The following HMCN2 variants were observed in gnomAD, a reference collection of about 807,000 sequenced individuals.
HMCN2 encodes the protein hemicentin-2.
Under a neutral mutation model 377.5 loss-of-function variants are expected in HMCN2, and 325 were observed. That is an observed-to-expected ratio of 0.86 (90% CI 0.79 to 0.94). The LOEUF is 0.94. Ranked by LOEUF, HMCN2 falls within the 40% of genes least tolerant of loss-of-function variation. HMCN2 has a pLI of 0.00. For missense variants in HMCN2, 4,543 were observed against 4,725.3 expected, an observed-to-expected ratio of 0.96 and a Z score of 1.13; for synonymous variants, 2,007 against 2,046.8, an observed-to-expected ratio of 0.98 and a Z score of 0.53.
intron 37 of HMCN2, among the ~76,000 whole-genome samples, chr9:130,359,947 G>A (rs1196317694): frequency 6.6e-6 from 1 of 152,176 alleles, no homozygotes; most frequent in African/African-American, 2.4e-5. Context: ...CCGGCAGGAT[G>A]CAGGGAAGCT....
intron 22 of HMCN2, among the ~76,000 whole-genome samples, chr9:130,334,816 CCTCT>C (rs1222248900): frequency 5.7e-4 from 81 of 141,620 alleles, no homozygotes; most frequent in African/African-American, 9.4e-4. Context: ...CTCTCTCTCT[CCTCT>C]CTCTCTCTCT....
At chr9:130,321,665 C>T (rs1311012270) in intron 18 of HMCN2, 122 bp from the exon 19 acceptor site, 1 of 152,252 alleles carries the variant, frequency 6.6e-6, no homozygotes, top group East Asian at 1.9e-4. Context: ...TCTGAGCCCC[C>T]GGGCTCTCAG....
At chr9:130,410,376 C>A (rs1843344982) in intron 84 of HMCN2, among the ~76,000 whole-genome samples, 195 bp from the exon 85 acceptor site, 1 of 152,212 alleles carries the variant, frequency 6.6e-6, no homozygotes, top group Admixed American at 6.5e-5. Flanking sequence ...TGAAAAGGGG[C>A]TGGATTCTCT....
intron 22 of HMCN2, among the ~76,000 whole-genome samples, chr9:130,334,706 T>TCTCTCTCTCTC (rs879119771): frequency 3.4e-5 from 5 of 147,174 alleles, no homozygotes; most frequent in Admixed American, 6.9e-5. Context: ...TCTTTCTTTC[T>TCTCTCTCTCTC]TTCTCTCTCT....
intron 22 of HMCN2, among the ~76,000 whole-genome samples, chr9:130,336,668 C>A (rs1838764091): frequency 6.6e-6 from 1 of 152,172 alleles, no homozygotes; most frequent in Non-Finnish European, 1.5e-5. Flanking sequence ...CAAGAGGCTG[C>A]TGGATGCTCG....
chr9:130,275,822 C>T (rs1156631831), intron 1 of HMCN2, among the ~76,000 whole-genome samples: 1 of 151,092 alleles, frequency 6.6e-6, no homozygotes, highest in Non-Finnish European at 1.5e-5. Context: ...GGAAAATTCA[C>T]TCTCTTAACC....
rs1423778188 is a variant in HMCN2 at position 130,303,948 on chromosome 9, G to C, written c.1543+340G>C. ...CTTCGTGCCTCCAAGTCCCGGCCAG[G>C]ATGGCGCCATCGAGCTGGGGAGGTT... On this transcript the variant is annotated intron_variant, in intron 10 of 97. Coordinates refer to ENST00000683500, the MANE Select transcript of HMCN2 (RefSeq NM_001291815.2). This position sits in a 1 kb window ranked among gnomAD's most constrained non-coding sequence, Gnocchi z 5.2. Among the ~76,000 whole-genome samples, 1 of 152,222 alleles carries C rather than the reference G, an allele frequency of 6.6e-6. No homozygotes were observed. Among genetic ancestry groups the C allele is most frequent in the African/African-American group, 2.4e-5 (1 of 41,460 alleles).
At chr9:130,398,482 C>T in intron 74 of HMCN2, 69 bp from the exon 75 acceptor site, 1 of 890,074 alleles carries the variant, frequency 1.1e-6, no homozygotes, top group Non-Finnish European at 1.4e-6. Context: ...TGCCCCTGGG[C>T]ACAGCCTCAG....
intron 4 of HMCN2, among the ~76,000 whole-genome samples, chr9:130,291,398 T>A (rs1326896392): frequency 7.2e-5 from 11 of 152,184 alleles, no homozygotes; most frequent in Non-Finnish European, 7.3e-5. Flanking sequence ...TTAGTAGAGA[T>A]GGAGTTTCAC....
At chr9:130,358,026 G>A (rs539047209) in intron 35 of HMCN2, 38 bp downstream of exon 35, 653 of 1,290,450 alleles carry the variant, frequency 5.1e-4, no homozygotes, top group Admixed American at 7.3e-4. Context: ...AGCCAGCTGG[G>A]CACAGGTGGA....
rs1400535525 is a variant in HMCN2 at position 130,346,956 on chromosome 9, T to C, written c.3830-210T>C. On this transcript the variant is annotated intron_variant, in intron 25 of 97. Transcript: ENST00000683500. Reference sequence around the variant, plus strand: ...GTCCCTCAGGGACCCTAGGAGGCTGTATGGATGGGCAGTGTGGGTAGGTGG... The same window carrying C: ...GTCCCTCAGGGACCCTAGGAGGCTGCATGGATGGGCAGTGTGGGTAGGTGG... 2.6e-5 allele frequency among the ~76,000 whole-genome samples: 4 copies of C among 151,860 alleles called. No homozygotes were observed. In the East Asian group the frequency reaches 7.8e-4, roughly 30 times the overall value.
At chr9:130,400,746 C>T in intron 76 of HMCN2, 37 bp from the exon 77 acceptor site, 2 of 1,258,470 alleles carry the variant, frequency 1.6e-6, no homozygotes, top group Non-Finnish European at 2.1e-6. Context: ...TGCCCTGTGC[C>T]CGCCGGCAGG....
intron 22 of HMCN2, among the ~76,000 whole-genome samples, chr9:130,331,876 G>A (rs1838449512): frequency 1.3e-5 from 2 of 152,174 alleles, no homozygotes; most frequent in South Asian, 4.1e-4. Flanking sequence ...CGCGGTGTGG[G>A]GGCAGTGAGA....
chr9:130,379,509 T>G, intron 54 of HMCN2, 42 bp downstream of exon 54: 3 of 889,766 alleles, frequency 3.4e-6, no homozygotes, highest in Non-Finnish European at 4.0e-6. Flanking sequence ...CTTTGAGCTC[T>G]CCTGTGTGCT....
rs113863166 is a variant in HMCN2, at chr9:130,360,713, C to T, written c.5950+109C>T. ...TCCACTCATCCATCCATCTACCACCCCATCCATCCGTTACCCCATCCATCC... is the reference window on the plus strand; with the variant it reads ...TCCACTCATCCATCCATCTACCACCTCATCCATCCGTTACCCCATCCATCC... On this transcript the variant is annotated intron_variant, in intron 38 of 97. Coordinates refer to ENST00000683500, the MANE Select transcript of HMCN2 (RefSeq NM_001291815.2). This position sits in a 1 kb window ranked among gnomAD's most constrained non-coding sequence, Gnocchi z 4.7. 4,061 of 524,744 alleles carry T rather than the reference C, an allele frequency of 7.7e-3. 160 individuals are homozygous for T. The highest frequency in any genetic ancestry group is 0.077 in the African/African-American group (3,761 of 49,078). The allele number at this position is 524,744 out of a possible 1,614,324, so 32.5% of individuals were successfully genotyped here.
intron 31 of HMCN2, among the ~76,000 whole-genome samples, chr9:130,353,852 G>T (rs1312373203): frequency 3.3e-5 from 5 of 152,168 alleles, no homozygotes; most frequent in Non-Finnish European, 5.9e-5. Flanking sequence ...TCTGAGCAGG[G>T]CCCCGGTGAA....
rs539944562 is a variant in HMCN2, at chr9:130,369,149, C to T, written c.6788-421C>T. 5.3e-5 allele frequency among the ~76,000 whole-genome samples: 8 copies of T among 152,284 alleles called. No homozygotes were observed. In the South Asian group the frequency reaches 1.7e-3, roughly 32 times the overall value. On this transcript the variant is annotated intron_variant, in intron 44 of 97. Coordinates refer to ENST00000683500, the MANE Select transcript of HMCN2 (RefSeq NM_001291815.2). This position sits in a 1 kb window ranked among gnomAD's most constrained non-coding sequence, Gnocchi z 4.5. ...AAACCTAAAGCCCTATCTACTGGTC[C>T]TGCAGTGATGAAATGAAATCCCCCA...
chr9:130,331,487 T>G (rs1416951306), intron 22 of HMCN2, among the ~76,000 whole-genome samples: 1 of 152,182 alleles, frequency 6.6e-6, no homozygotes, highest in Non-Finnish European at 1.5e-5. Flanking sequence ...AGGATTGTGT[T>G]GCAGCCTCGG....
chr9:130,324,477 TCCCCCACC>T (rs1439933719), intron 19 of HMCN2, among the ~76,000 whole-genome samples: 1 of 151,806 alleles, frequency 6.6e-6, no homozygotes, highest in Admixed American at 6.6e-5. Context: ...ACTGTCAACA[TCCCCCACC>T]AGGGCGGCCC....
Sources: gnomAD v4.1 joint callset for allele counts (sites outside exome capture counted in the v4.1 genomes callset) on GRCh38, gnomAD v4.1.1 for gene constraint, Gnocchi (gnomAD v3.1) non-coding constraint, MANE v1.5 for transcripts, NCBI Gene and HGNC (gene_info 2026-07-23, HGNC 2026-07-21) for gene names.